Variants in CELSR1 observed in about 807,000 individuals in gnomAD.
CELSR1 encodes cadherin EGF LAG seven-pass G-type receptor 1.
Under a neutral mutation model 249.1 loss-of-function variants are expected in CELSR1, and 110 were observed. The observed-to-expected ratio is 0.44, with a 90% CI of 0.38 to 0.52. The LOEUF is 0.52. Ranked by LOEUF, CELSR1 falls within the 20% of genes least tolerant of loss-of-function variation. The probability of loss-of-function intolerance (pLI) is 0.00; values close to 1 mark genes in which losing one functional copy is unlikely to be tolerated. For missense variants in CELSR1, 4,109 were observed against 4,296.4 expected (o/e 0.96, Z 1.22); for synonymous variants, 2,113 against 1,900.0 (o/e 1.11, Z -2.92).
In CELSR1 at chr22:46,527,007, C is replaced by T. The variant is rs1198092632; in HGVS notation, c.3544+6620G>A. Among the ~76,000 whole-genome samples the T allele has an allele frequency of 6.6e-6, 1 of 152,188 alleles. No homozygotes were observed. The highest frequency in any genetic ancestry group is 2.4e-5 in the African/African-American group (1 of 41,444). ...CAGAGCCAGTTTTTTCTGGAAGGCA[C>T]AGACAGGGAACATGCCTTAGGAGCT... On this transcript the variant is annotated intron_variant, in intron 1 of 34. Coordinates refer to ENST00000674500, the MANE Select transcript of CELSR1 (RefSeq NM_001378328.1). This position sits in a 1 kb window ranked among gnomAD's most constrained non-coding sequence, Gnocchi z 5.5.
At chr22:46,373,650 T>TG (rs2078882815) in intron 24 of CELSR1, among the ~76,000 whole-genome samples, 1 of 60,654 alleles carries the variant, frequency 1.6e-5, no homozygotes, top group African/African-American at 8.3e-5. Context: ...AATGGGAGAA[T>TG]GGGGAGATGG....
chr22:46,398,072 C>T lies in CELSR1; in HGVS notation c.5527-224G>A, dbSNP rs1266853931. On this transcript the variant is annotated intron_variant, in intron 11 of 34. Transcript: ENST00000674500. This position sits in a 1 kb window ranked among gnomAD's most constrained non-coding sequence, Gnocchi z 7.2. Reference sequence around the variant, plus strand: ...CTCAGAGGGCACGCCAGCCTGAGCTCCTGGGGTGCGCGGTGGGGGCGTGAG... The same window carrying T: ...CTCAGAGGGCACGCCAGCCTGAGCTTCTGGGGTGCGCGGTGGGGGCGTGAG... 1.3e-5 allele frequency among the ~76,000 whole-genome samples: 2 copies of T among 152,114 alleles called. No individual in the cohort carries two copies. The highest frequency in any genetic ancestry group is 2.9e-5 in the Non-Finnish European group (2 of 67,996).
At position 46,395,427 on chromosome 22, in the gene CELSR1, C is replaced by A. The variant is rs929018003; in HGVS notation, c.5844-1165G>T. 2.0e-5 allele frequency among the ~76,000 whole-genome samples: 3 copies of A among 152,128 alleles called. No homozygotes were observed. Among genetic ancestry groups the A allele is most frequent in the Admixed American group, 2.0e-4 (3 of 15,276 alleles). On this transcript the variant is annotated intron_variant, in intron 13 of 34. Transcript: ENST00000674500. This position sits in a 1 kb window ranked among gnomAD's most constrained non-coding sequence, Gnocchi z 5.5. The stretch of plus-strand genomic sequence containing the variant: ...CAGGCCTCTCTAGATCAGCCTCATC[C>A]CCTTACTCCTCTCCAGCTTGGCTCT...
At position 46,536,806 on chromosome 22, in the gene CELSR1, C is replaced by A. The variant is rs2080862919; in HGVS notation, c.365G>T (p.Gly122Val). 1.7e-6 allele frequency: 2 copies of A among 1,198,970 alleles called. No homozygotes were observed. Among genetic ancestry groups the A allele is most frequent in the South Asian group, 3.3e-5 (1 of 30,188 alleles). The allele number at this position is 1,198,970 out of a possible 1,614,324, so 74.3% of individuals were successfully genotyped here. A position where few individuals can be genotyped will look rare whatever the true frequency, so the allele number is the denominator to read the frequency against. The change falls in exon 1 of 35, where the codon GGA (glycine) becomes GTA (valine). Residue 122 changes from glycine (G) to valine (V), a missense_variant. Gly to Val is a moderately radical substitution (Grantham distance 109). Transcript: ENST00000674500. The part of the protein sequence containing the change: ...PGCGARARLC[G>V]TGARLCGALC... ...CGCCCCGCAGAGCCGGGCACCGGTTCCGCAGAGCCGGGCACGGGCTCCGCA... is the reference window on the plus strand; with the variant it reads ...CGCCCCGCAGAGCCGGGCACCGGTTACGCAGAGCCGGGCACGGGCTCCGCA...
Position 46,436,555 on chromosome 22 carries a change from C to T in CELSR1, c.4407-266G>A, listed in dbSNP as rs1299372419. Among the ~76,000 whole-genome samples the T allele has an allele frequency of 6.6e-6, 1 of 152,186 alleles. No homozygotes were observed. The highest frequency in any genetic ancestry group is 1.5e-5 in the Non-Finnish European group (1 of 68,042). On this transcript the variant is annotated intron_variant, in intron 3 of 34. Transcript: ENST00000674500. This position sits in a 1 kb window ranked among gnomAD's most constrained non-coding sequence, Gnocchi z 5.9. The stretch of plus-strand genomic sequence containing the variant: ...TGCAAAAAATATCCCATTTGCACAA[C>T]ATGCTACAAGTACGACCAGCGGCCA...
intron 1 of CELSR1, among the ~76,000 whole-genome samples, chr22:46,510,623 G>A (rs2080563975): frequency 2.0e-5 from 3 of 152,222 alleles, no homozygotes; most frequent in Admixed American, 2.0e-4. Flanking sequence ...TCAGAGCGCA[G>A]CGGAAGGAAA....
rs141907986 is a variant in CELSR1 at position 46,366,363 on chromosome 22, C to G, written c.8300+23G>C. The G allele has an allele frequency of 7.2e-6, 11 of 1,523,450 alleles. No individual in the cohort carries two copies. The African/African-American group carries it at 1.4e-4, about 19-fold the overall frequency. The allele number at this position is 1,523,450 out of a possible 1,614,324, so 94.4% of individuals were successfully genotyped here. A position where few individuals can be genotyped will look rare whatever the true frequency, so the allele number is the denominator to read the frequency against. On this transcript the variant is annotated intron_variant, in intron 30 of 34. Transcript: ENST00000674500. ...TGAGGGAGTTCGAGAGCCACCTCCC[C>G]GAACCCGGAGCTGCGGCCTGACCTG...
chr22:46,494,043 A>G lies in CELSR1; in HGVS notation c.3545-29698T>C, dbSNP rs544482506. Among the ~76,000 whole-genome samples the G allele has an allele frequency of 5.3e-5, 8 of 152,348 alleles. 1 individual carries two copies. The East Asian group carries it at 1.5e-3, about 29-fold the overall frequency. ...TATTAAGAATGAAACAGATTCAGAAAAAAAGGCAGACACACAATCTACCCT... is the reference window on the plus strand; with the variant it reads ...TATTAAGAATGAAACAGATTCAGAAGAAAAGGCAGACACACAATCTACCCT... On this transcript the variant is annotated intron_variant, in intron 1 of 34. Transcript: ENST00000674500.
chr22:46,371,386 C>T (rs1186019217), intron 25 of CELSR1, among the ~76,000 whole-genome samples: 2 of 152,138 alleles, frequency 1.3e-5, no homozygotes, highest in African/African-American at 4.8e-5. Flanking sequence ...CGTCTAATCC[C>T]CAGAACCCAG....
chr22:46,391,799 G>C lies in CELSR1; in HGVS notation c.5982C>G (p.Leu1994=). The C allele has an allele frequency of 2.5e-6, 4 of 1,610,640 alleles. No homozygotes were observed. The highest frequency in any genetic ancestry group is 3.4e-6 in the Non-Finnish European group (4 of 1,179,246). Residue 1994 remains leucine, a synonymous_variant, in exon 15 of 35, where the codon CTC becomes CTG. Coordinates refer to ENST00000674500, the MANE Select transcript of CELSR1 (RefSeq NM_001378328.1). The surrounding 1 kb of genome is among the most constrained non-coding windows in gnomAD (Gnocchi z 4.3). ...AGGGCAGACAGGTGTCCTGGGCTAG[G>C]AGCTTGTAGTAATTCTCCTGCAAAA... ...QCQCKENYYK[L]LAQDTCLPCD... is the part of the protein sequence containing the mutation.
At position 46,423,337 on chromosome 22, in the gene CELSR1, G is replaced by A. The variant is rs889585011; in HGVS notation, c.4611+10056C>T. ...TCAAGACTCCATGCTGGCCAGGCGCGGTGGCTCACGCCTGTAATCCCAGCA... is the reference window on the plus strand; with the variant it reads ...TCAAGACTCCATGCTGGCCAGGCGCAGTGGCTCACGCCTGTAATCCCAGCA... On this transcript the variant is annotated intron_variant, in intron 5 of 34. Coordinates refer to ENST00000674500, the MANE Select transcript of CELSR1 (RefSeq NM_001378328.1). This position sits in a 1 kb window ranked among gnomAD's most constrained non-coding sequence, Gnocchi z 5.6. Among the ~76,000 whole-genome samples, 2 of 152,050 alleles carry A rather than the reference G, an allele frequency of 1.3e-5. No individual in the cohort carries two copies. The highest frequency in any genetic ancestry group is 1.5e-5 in the Non-Finnish European group (1 of 68,010).
chr22:46,403,614 A>T (rs2079231340), intron 9 of CELSR1, among the ~76,000 whole-genome samples: 3 of 152,068 alleles, frequency 2.0e-5, no homozygotes, highest in Admixed American at 2.0e-4. Context: ...TAACAAATTT[A>T]ACCTACTTGA....
In CELSR1 at chr22:46,391,312, G is replaced by A. The variant is rs1209562783; in HGVS notation, c.6149-25C>T. The A allele has an allele frequency of 1.9e-6, 3 of 1,596,938 alleles. No individual in the cohort carries two copies. Among genetic ancestry groups the A allele is most frequent in the Non-Finnish European group, 1.7e-6 (2 of 1,165,974 alleles). ...ACTGGGGTAGAGAAGAGAGAAGTCT[G>A]CTCAGCGGGGCACGCCACACCCACG... On this transcript the variant is annotated intron_variant, in intron 15 of 34. Coordinates refer to ENST00000674500, the MANE Select transcript of CELSR1 (RefSeq NM_001378328.1). The surrounding 1 kb of genome is among the most constrained non-coding windows in gnomAD (Gnocchi z 4.3).
intron 2 of CELSR1, among the ~76,000 whole-genome samples, chr22:46,455,874 C>T (rs1001440091): frequency 6.6e-6 from 1 of 152,196 alleles, no homozygotes; most frequent in Middle Eastern, 3.2e-3. Context: ...TTATAGAAAA[C>T]AGTTATCCAG....
rs1271527637 is a variant in CELSR1 at position 46,441,402 on chromosome 22, G to T, written c.4184-1991C>A. On this transcript the variant is annotated intron_variant, in intron 2 of 34. Transcript: ENST00000674500. The surrounding 1 kb of genome is among the most constrained non-coding windows in gnomAD (Gnocchi z 6.1). ...GGGATTCACACAGCCGCTGCCGTGT[G>T]GGGCAGCCTAATTTGATGCCAACTC... Among the ~76,000 whole-genome samples the T allele has an allele frequency of 6.6e-6, 1 of 152,004 alleles. No homozygotes were observed. Among genetic ancestry groups the T allele is most frequent in the African/African-American group, 2.4e-5 (1 of 41,388 alleles).
chr22:46,414,747 A>T (rs556792541), intron 5 of CELSR1, among the ~76,000 whole-genome samples: 1 of 152,368 alleles, frequency 6.6e-6, no homozygotes, highest in East Asian at 1.9e-4. Context: ...CATTAAACGC[A>T]GAACTACTAC....
rs1198797069 is a variant in CELSR1, at chr22:46,434,266, G to A, written c.4523-785C>T. 6.6e-6 allele frequency among the ~76,000 whole-genome samples: 1 copy of A among 152,198 alleles called. No homozygotes were observed. Among genetic ancestry groups the A allele is most frequent in the African/African-American group, 2.4e-5 (1 of 41,438 alleles). On this transcript the variant is annotated intron_variant, in intron 4 of 34. Coordinates refer to ENST00000674500, the MANE Select transcript of CELSR1 (RefSeq NM_001378328.1). This position sits in a 1 kb window ranked among gnomAD's most constrained non-coding sequence, Gnocchi z 4.9. ...GGGGTGTCTGTCATTTCCACCCCTT[G>A]AGCTCCTGCTGGAGTGGGGCGGGCG...
intron 19 of CELSR1, among the ~76,000 whole-genome samples, chr22:46,385,491 C>G (rs920712552): frequency 6.6e-6 from 1 of 152,070 alleles, no homozygotes; most frequent in Non-Finnish European, 1.5e-5. Context: ...GCGGGGTCCT[C>G]GACACCCACC....
intron 5 of CELSR1, among the ~76,000 whole-genome samples, chr22:46,421,547 A>G (rs374915578): frequency 2.7e-4 from 41 of 152,100 alleles, no homozygotes; most frequent in African/African-American, 9.9e-4. Flanking sequence ...ACGGAAACCA[A>G]GTGACTTATC....
Sources: gnomAD v4.1 joint callset for allele counts (sites outside exome capture counted in the v4.1 genomes callset) on GRCh38, gnomAD v4.1.1 for gene constraint, Gnocchi (gnomAD v3.1) non-coding constraint, MANE v1.5 for transcripts, NCBI Gene and HGNC (gene_info 2026-07-23, HGNC 2026-07-21) for gene names.